Variants in CEP83 observed in about 807,000 individuals in gnomAD.
CEP83 encodes centrosomal protein 83.
CEP83 carries 70 observed loss-of-function variants against 101.9 expected under a neutral mutation model. That is an observed-to-expected ratio of 0.69 (90% CI 0.57 to 0.84). The LOEUF is 0.84. Among genes scored for constraint, CEP83 ranks in the 40% least tolerant of loss-of-function variants. The probability of loss-of-function intolerance (pLI) is 0.00; values close to 1 mark genes in which losing one functional copy is unlikely to be tolerated. For synonymous variants in CEP83, 264 were observed against 267.9 expected (o/e 0.99, Z 0.14); for missense variants, 715 against 787.2 (o/e 0.91, Z 1.10).
chr12:94,456,417 G>A (rs1055512541), intron 1 of CEP83, among the ~76,000 whole-genome samples: 1 of 152,168 alleles, frequency 6.6e-6, no homozygotes, highest in Non-Finnish European at 1.5e-5. Context: ...GGGGAAAGTA[G>A]AAATGCCTAT....
At chr12:94,366,964 T>C (rs2061055801) in intron 11 of CEP83, among the ~76,000 whole-genome samples, 1 of 152,084 alleles carries the variant, frequency 6.6e-6, no homozygotes, top group South Asian at 2.1e-4. Flanking sequence ...CAAAATCTTA[T>C]AATCTATAGA....
At position 94,368,293 on chromosome 12, in the gene CEP83, CAAAT is replaced by C. The variant is rs538370065; in HGVS notation, c.1049-96_1049-93del. ...AGCAAGCATTCATAAGCTGGTAAGA[CAAAT>C]GAATGTAGAAAGTCTCTACAAATAT... On this transcript the variant is annotated intron_variant, in intron 9 of 16. Transcript: ENST00000397809. 1,932 of 876,670 alleles carry C rather than the reference CAAAT, an allele frequency of 2.2e-3. 5 individuals carry two copies. Among genetic ancestry groups the C allele is most frequent in the Non-Finnish European group, 2.6e-3 (1,494 of 577,756 alleles). The allele number at this position is 876,670 out of a possible 1,614,324, so 54.3% of individuals were successfully genotyped here.
chr12:94,427,402 T>C (rs955724894), intron 2 of CEP83, among the ~76,000 whole-genome samples: 33 of 152,372 alleles, frequency 2.2e-4, no homozygotes, highest in Admixed American at 5.9e-4. Context: ...TTTAAAAGAC[T>C]AGTACAACCT....
chr12:94,375,669 A>G (rs1290203319), intron 8 of CEP83, among the ~76,000 whole-genome samples: 1 of 152,350 alleles, frequency 6.6e-6, no homozygotes, highest in East Asian at 1.9e-4. Context: ...ACAGAGAACT[A>G]AACACAAAAT....
intron 14 of CEP83, among the ~76,000 whole-genome samples, chr12:94,324,899 A>T (rs554669164): frequency 6.6e-6 from 1 of 152,156 alleles, no homozygotes; most frequent in East Asian, 1.9e-4. Context: ...TCCTACCTTA[A>T]CTGAGAATAA....
At chr12:94,444,177 T>A (rs1231344640) in intron 1 of CEP83, among the ~76,000 whole-genome samples, 2 of 152,192 alleles carry the variant, frequency 1.3e-5, no homozygotes, top group African/African-American at 4.8e-5. Flanking sequence ...GGTGGGCAGA[T>A]CACCTGAGGT....
Position 94,335,677 on chromosome 12 carries a change from A to G in CEP83, c.1344-13T>C. ...CTGAAGTTTTAACCTAAAAATCACA[A>G]CCCAACAAAAGGCATTATTAAGAAT... On this transcript the variant is annotated splice_polypyrimidine_tract_variant and intron_variant, in intron 11 of 16. Coordinates refer to ENST00000397809, the MANE Select transcript of CEP83 (RefSeq NM_016122.3). 3.3e-6 allele frequency: 5 copies of G among 1,532,956 alleles called. No homozygotes were observed. Among genetic ancestry groups the G allele is most frequent in the Non-Finnish European group, 4.5e-6 (5 of 1,123,102 alleles). 95.0% of individuals were successfully genotyped at this position (1,532,956 alleles called of 1,614,324 possible).
In CEP83 at chr12:94,375,932, T is replaced by G; in HGVS notation, c.887A>C (p.Asn296Thr). ...SSSEQNTFLINKLHKAEREIN... is the reference protein window; with the variant it reads ...SSSEQNTFLITKLHKAEREIN... Reference sequence around the variant, plus strand: ...TTCTCGTTCAGCTTTATGCAATTTATTAATTAAAAAGGTATTTTGTTCACT... The same window carrying G: ...TTCTCGTTCAGCTTTATGCAATTTAGTAATTAAAAAGGTATTTTGTTCACT... Residue 296 changes from asparagine (N) to threonine (T), a missense_variant, in exon 8 of 17, where the codon AAT becomes ACT. By Grantham distance (65) the Asn-to-Thr change is moderately conservative. Transcript: ENST00000397809. 1 of 1,533,354 alleles carries G rather than the reference T, an allele frequency of 6.5e-7. No homozygotes were observed. The allele number at this position is 1,533,354 out of a possible 1,614,324, so 95.0% of individuals were successfully genotyped here.
chr12:94,383,396 T>C (rs1021709157), intron 6 of CEP83, among the ~76,000 whole-genome samples: 1 of 152,042 alleles, frequency 6.6e-6, no homozygotes, highest in African/African-American at 2.4e-5. Flanking sequence ...CTTATGATGG[T>C]TCAAGTTACA....
chr12:94,358,499 A>C (rs899208970), intron 11 of CEP83, among the ~76,000 whole-genome samples: 1 of 152,236 alleles, frequency 6.6e-6, no homozygotes, highest in Non-Finnish European at 1.5e-5. Flanking sequence ...ATTTGGATAG[A>C]ACAATGGCTG....
chr12:94,326,640 A>C (rs756226435), intron 14 of CEP83, among the ~76,000 whole-genome samples: 76 of 152,332 alleles, frequency 5.0e-4, no homozygotes, highest in Middle Eastern at 6.8e-3. Flanking sequence ...GTTAGATTGG[A>C]TTCGAGTGGG....
chr12:94,388,351 C>T (rs989839297), intron 6 of CEP83, among the ~76,000 whole-genome samples: 3 of 152,222 alleles, frequency 2.0e-5, no homozygotes, highest in African/African-American at 7.2e-5. Flanking sequence ...ACCAATACCA[C>T]ATGTTCTCAC....
chr12:94,299,991 C>G, the CEP83 span, among the ~76,000 whole-genome samples: 1 of 152,146 alleles, frequency 6.6e-6, no homozygotes, highest in African/African-American at 2.4e-5. Flanking sequence ...GTTGGGAGAC[C>G]TAGCAGCATA....
At chr12:94,333,977 C>G (rs576774044) in intron 12 of CEP83, among the ~76,000 whole-genome samples, 1 of 152,046 alleles carries the variant, frequency 6.6e-6, no homozygotes, top group South Asian at 2.1e-4. Context: ...GAGTGAGTCT[C>G]CTACCACTCT....
Position 94,419,382 on chromosome 12 carries a change from G to A in CEP83, c.-101-6791C>T, listed in dbSNP as rs117946818. Among the ~76,000 whole-genome samples the A allele has an allele frequency of 6.1e-4, 93 of 152,126 alleles. No homozygotes were observed. In the East Asian group the frequency reaches 0.017, roughly 27 times the overall value. ...CTAAAAAAGACCTAATAGAGATATGGACTAGGTGTATGGATTAGAAAACAT... is the reference window on the plus strand; with the variant it reads ...CTAAAAAAGACCTAATAGAGATATGAACTAGGTGTATGGATTAGAAAACAT... On this transcript the variant is annotated intron_variant, in intron 2 of 16. Transcript: ENST00000397809.
At chr12:94,453,414 G>A (rs1301817866) in intron 1 of CEP83, among the ~76,000 whole-genome samples, 1 of 152,138 alleles carries the variant, frequency 6.6e-6, no homozygotes, top group African/African-American at 2.4e-5. Context: ...CAATTTTTGT[G>A]TATTCTTTCT....
At chr12:94,393,103 G>A (rs1393676387) in intron 6 of CEP83, among the ~76,000 whole-genome samples, 1 of 152,134 alleles carries the variant, frequency 6.6e-6, no homozygotes, top group Non-Finnish European at 1.5e-5. Flanking sequence ...AGAAAAAGAG[G>A]GAATCCTCCC....
In CEP83 at chr12:94,367,893, T is replaced by C. The variant is rs202152669; in HGVS notation, c.1244A>G (p.His415Arg). The C allele has an allele frequency of 3.8e-5, 62 of 1,613,714 alleles. No individual in the cohort carries two copies. In the South Asian group the frequency reaches 5.5e-4, roughly 14 times the overall value. Reference sequence around the variant, plus strand: ...CTTTTCAGATTGCCTCCAGACATCATGTTCCACTTTCATTTTCTCCAAATC... The same window carrying C: ...CTTTTCAGATTGCCTCCAGACATCACGTTCCACTTTCATTTTCTCCAAATC... ...LADLEKMKVE[H>R]DVWRQSEKDQ... is the part of the protein sequence containing the mutation. The change falls in exon 11 of 17, where the codon CAT becomes CGT. Residue 415 changes from histidine (H) to arginine (R), a missense_variant. Coordinates refer to ENST00000397809, the MANE Select transcript of CEP83 (RefSeq NM_016122.3).
chr12:94,324,405 G>T (rs1476326557), intron 14 of CEP83, among the ~76,000 whole-genome samples: 2 of 152,116 alleles, frequency 1.3e-5, no homozygotes, highest in African/African-American at 4.8e-5. Flanking sequence ...TGATTAATTA[G>T]CATAATAGTT....
Sources: allele counts gnomAD v4.1 joint callset (sites outside exome capture counted in the v4.1 genomes callset), GRCh38; gene constraint gnomAD v4.1.1; transcripts MANE v1.5; gene names NCBI Gene and HGNC (gene_info 2026-07-23, HGNC 2026-07-21).